Variants in GNAI2 observed in about 807,000 individuals in gnomAD.
The protein encoded by GNAI2 is G protein subunit alpha i2, also known as guanine nucleotide-binding protein G(i) subunit alpha-2.
A neutral mutation model predicts 36.8 loss-of-function variants in GNAI2; 4 were observed. That is an observed-to-expected ratio of 0.11 (90% CI 0.05 to 0.25). The LOEUF is 0.25. GNAI2 is among the 10% of genes least tolerant of loss of function. The pLI, the probability that GNAI2 is intolerant of heterozygous loss-of-function variation, is 1.00. For missense variants in GNAI2, 230 were observed against 481.3 expected (o/e 0.48, Z 4.89); for synonymous variants, 194 against 194.1 (o/e 1.00, Z 0.01).
Position 50,241,134 on chromosome 3 carries a change from G to A in GNAI2, c.118+4681G>A, listed in dbSNP as rs1383698889. Among the ~76,000 whole-genome samples, 1 of 152,080 alleles carries A rather than the reference G, an allele frequency of 6.6e-6. No homozygotes were observed. Among genetic ancestry groups the A allele is most frequent in the Non-Finnish European group, 1.5e-5 (1 of 68,004 alleles). ...AGCAGGAGTGACAGACTGCCCTGGG[G>A]ACCTTAGGCCCAACCTCTGGGGGTC... On this transcript the variant is annotated intron_variant, in intron 1 of 8. Coordinates refer to ENST00000313601, the MANE Select transcript of GNAI2 (RefSeq NM_002070.4). The surrounding 1 kb of genome is among the most constrained non-coding windows in gnomAD (Gnocchi z 5.0).
Position 50,247,081 on chromosome 3 carries a change from G to A in GNAI2, c.119-5019G>A, listed in dbSNP as rs587594380. Reference sequence around the variant, plus strand: ...CAGGTTGCAGGAAATGAGAGGTTTGGGGAAATCTGTACTCTTTCAAAGGGT... The same window carrying A: ...CAGGTTGCAGGAAATGAGAGGTTTGAGGAAATCTGTACTCTTTCAAAGGGT... On this transcript the variant is annotated intron_variant, in intron 1 of 8. Transcript: ENST00000313601. 4.0e-6 allele frequency: 3 copies of A among 758,662 alleles called. No individual in the cohort carries two copies. The African/African-American group carries it at 5.1e-5, about 13-fold the overall frequency. 47.0% of individuals were successfully genotyped at this position (758,662 alleles called of 1,614,324 possible). A position where few individuals can be genotyped will look rare whatever the true frequency, so the allele number is the denominator to read the frequency against.
At position 50,246,945 on chromosome 3, in the gene GNAI2, C is replaced by CA. The variant is rs34181412; in HGVS notation, c.119-5154dup. Reference sequence around the variant, plus strand: ...ATGCTGAGTCCCAGCAGGGAACCACCACAGCTCTGAATCAGCCTGTTAGCC... The same window carrying CA: ...ATGCTGAGTCCCAGCAGGGAACCACCAACAGCTCTGAATCAGCCTGTTAGCC... On this transcript the variant is annotated intron_variant, in intron 1 of 8. Coordinates refer to ENST00000313601, the MANE Select transcript of GNAI2 (RefSeq NM_002070.4). 42,988 of 1,490,434 alleles carry CA rather than the reference C, an allele frequency of 0.029. 8,874 individuals carry two copies. In the East Asian group the frequency reaches 0.54, roughly 19 times the overall value. The allele number at this position is 1,490,434 out of a possible 1,614,324, so 92.3% of individuals were successfully genotyped here.
chr3:50,231,835 A>G (rs1029617003), upstream of GNAI2, among the ~76,000 whole-genome samples: 2 of 152,154 alleles, frequency 1.3e-5, no homozygotes, highest in African/African-American at 4.8e-5. Flanking sequence ...TTGGAGTGCC[A>G]GTGTGTTGCA....
At position 50,252,044 on chromosome 3, in the gene GNAI2, G is replaced by A. The variant is rs1575451657; in HGVS notation, c.119-56G>A. On this transcript the variant is annotated intron_variant, in intron 1 of 8. Transcript: ENST00000313601. This position sits in a 1 kb window ranked among gnomAD's most constrained non-coding sequence, Gnocchi z 4.1. Reference sequence around the variant, plus strand: ...CTACAGGTGTCTGGGCATTTGTTCTGTGCCTGTGGAGCCCCTCTGGGCCTG... The same window carrying A: ...CTACAGGTGTCTGGGCATTTGTTCTATGCCTGTGGAGCCCCTCTGGGCCTG... 47 of 1,547,530 alleles carry A rather than the reference G, an allele frequency of 3.0e-5. No individual in the cohort carries two copies. The East Asian group carries it at 9.7e-4, about 32-fold the overall frequency.
rs1313240077 is a variant in GNAI2, at chr3:50,241,129, C to G, written c.118+4676C>G. Among the ~76,000 whole-genome samples, 3 of 152,202 alleles carry G rather than the reference C, an allele frequency of 2.0e-5. No homozygotes were observed. Among genetic ancestry groups the G allele is most frequent in the East Asian group, 3.9e-4 (2 of 5,166 alleles). On this transcript the variant is annotated intron_variant, in intron 1 of 8. Transcript: ENST00000313601. This position sits in a 1 kb window ranked among gnomAD's most constrained non-coding sequence, Gnocchi z 5.0. ...GTGCCAGCAGGAGTGACAGACTGCC[C>G]TGGGGACCTTAGGCCCAACCTCTGG...
chr3:50,235,932 G>A (rs1326529915), upstream of GNAI2: 1 of 153,630 alleles, frequency 6.5e-6, no homozygotes, highest in African/African-American at 2.4e-5. Context: ...TCACAGCCCG[G>A]TCCCGCCTGC....
intron 8 of GNAI2, 160 bp downstream of exon 8, chr3:50,257,874 A>C: frequency 1.8e-6 from 1 of 546,334 alleles, no homozygotes; most frequent in Non-Finnish European, 3.2e-6. Context: ...GTGAATCAGG[A>C]GGTCAAGTGA....
chr3:50,258,927 C>T lies in GNAI2; in HGVS notation c.*584C>T, dbSNP rs1700781203. 2.3e-6 allele frequency: 1 copy of T among 443,638 alleles called. No individual in the cohort carries two copies. The highest frequency in any genetic ancestry group is 4.5e-6 in the Non-Finnish European group (1 of 223,614). 27.5% of individuals were successfully genotyped at this position (443,638 alleles called of 1,614,324 possible). ...AAAAAAAAACTGCAAATCTAGAAAA[C>T]TTTTTAGAGAAAAACTATTTAAAAC... On this transcript the variant is annotated 3_prime_UTR_variant, in exon 9 of 9. Transcript: ENST00000313601.
At chr3:50,233,643 G>C (rs587731680), upstream of GNAI2, among the ~76,000 whole-genome samples, 3 of 152,336 alleles carry the variant, frequency 2.0e-5, no homozygotes, top group African/African-American at 4.8e-5. Context: ...CTGTGGCCCT[G>C]GTGGACATTA....
chr3:50,227,295 C>A, upstream of GNAI2: 2 of 562,088 alleles, frequency 3.6e-6, no homozygotes, highest in Non-Finnish European at 5.6e-6. This position sits in a 1 kb window ranked among gnomAD's most constrained non-coding sequence, Gnocchi z 5.9. Context: ...CAAGAGGACG[C>A]GTGACGGCTG....
rs587719196 is a variant in GNAI2, at chr3:50,250,182, G to A, written c.119-1918G>A. Among the ~76,000 whole-genome samples the A allele has an allele frequency of 1.7e-4, 26 of 152,304 alleles. No homozygotes were observed. In the South Asian group the frequency reaches 5.4e-3, roughly 32 times the overall value. ...GATTGCTGTGGAGATGGCAGTTGGT[G>A]GGTGTCATTGATGTAGAGCAGCATC... On this transcript the variant is annotated intron_variant, in intron 1 of 8. Transcript: ENST00000313601.
chr3:50,241,794 G>A lies in GNAI2; in HGVS notation c.118+5341G>A, dbSNP rs1250123687. Among the ~76,000 whole-genome samples, 3 of 152,164 alleles carry A rather than the reference G, an allele frequency of 2.0e-5. No individual in the cohort carries two copies. Among genetic ancestry groups the A allele is most frequent in the African/African-American group, 7.2e-5 (3 of 41,432 alleles). ...GCCTAGGCTGCTGGATGGGGCCTGG[G>A]GATGGTCCGGGACCCCTTTGGCCCT... is the stretch of plus-strand genomic sequence containing the variant. On this transcript the variant is annotated intron_variant, in intron 1 of 8. Transcript: ENST00000313601. This position sits in a 1 kb window ranked among gnomAD's most constrained non-coding sequence, Gnocchi z 5.0.
rs1553700685 is a variant in GNAI2 at position 50,238,826 on chromosome 3, C to T, written c.118+2373C>T. On this transcript the variant is annotated intron_variant, in intron 1 of 8. Transcript: ENST00000313601. This position sits in a 1 kb window ranked among gnomAD's most constrained non-coding sequence, Gnocchi z 5.0. The stretch of plus-strand genomic sequence containing the variant: ...AGTTCAGAGTTCTGGGCGCCTGTCC[C>T]ATGTAGCGGGAGACTTTGTCCAGGC... Among the ~76,000 whole-genome samples, 1 of 152,198 alleles carries T rather than the reference C, an allele frequency of 6.6e-6. No homozygotes were observed. Among genetic ancestry groups the T allele is most frequent in the Non-Finnish European group, 1.5e-5 (1 of 68,040 alleles).
At chr3:50,256,071 AAAG>A in intron 4 of GNAI2, 118 bp from the exon 5 acceptor site, 73 of 441,904 alleles carry the variant, frequency 1.7e-4, no homozygotes, top group South Asian at 4.2e-4. Flanking sequence ...AAAAAAAAAA[AAAG>A]CAAGGGCTGT....
At chr3:50,236,117 C>T (rs147324172), upstream of GNAI2, 13 of 1,031,698 alleles carry the variant, frequency 1.3e-5, no homozygotes, top group Admixed American at 4.9e-5. The surrounding 1 kb of genome is among the most constrained non-coding windows in gnomAD (Gnocchi z 4.0). Flanking sequence ...AAGCCCGCCC[C>T]GGCCCAGTCA....
intron 1 of GNAI2, among the ~76,000 whole-genome samples, chr3:50,240,941 A>G (rs1004116799): frequency 6.8e-6 from 1 of 146,442 alleles, no homozygotes; most frequent in Non-Finnish European, 1.5e-5. Flanking sequence ...AAAAAAGAAA[A>G]AAAAAGAAAA....
rs782017122 is a variant in GNAI2 at position 50,253,041 on chromosome 3, A to G, written c.321A>G (p.Leu107=). 7.8e-5 allele frequency: 124 copies of G among 1,593,192 alleles called. No homozygotes were observed. The highest frequency in any genetic ancestry group is 6.7e-5 in the Admixed American group (4 of 59,428). The change falls in exon 4 of 9, where the codon CTA becomes CTG. Residue 107 remains leucine (L), a synonymous_variant. Coordinates refer to ENST00000313601, the MANE Select transcript of GNAI2 (RefSeq NM_002070.4). The surrounding 1 kb of genome is among the most constrained non-coding windows in gnomAD (Gnocchi z 4.2). ...DPSRADDARQ[L]FALSCTAEEQ... is the part of the protein sequence containing the mutation. Reference sequence around the variant, plus strand: ...GTGCCCAGGACGACGCCAGGCAGCTATTTGCACTGTCCTGCACCGCCGAGG... The same window carrying G: ...GTGCCCAGGACGACGCCAGGCAGCTGTTTGCACTGTCCTGCACCGCCGAGG...
At chr3:50,251,227 A>C (rs1700550402) in intron 1 of GNAI2, 1 of 344,778 alleles carries the variant, frequency 2.9e-6, no homozygotes, top group Admixed American at 6.4e-5. Flanking sequence ...TGCCCTTCTG[A>C]GTCCTGGCTA....
chr3:50,227,336 A>C, upstream of GNAI2: 1 of 438,706 alleles, frequency 2.3e-6, no homozygotes, highest in Non-Finnish European at 3.9e-6. The surrounding 1 kb of genome is among the most constrained non-coding windows in gnomAD (Gnocchi z 5.9). Flanking sequence ...CTCGACGGCC[A>C]AGGAGTGGCA....
Sources: allele counts gnomAD v4.1 joint callset (sites outside exome capture counted in the v4.1 genomes callset), GRCh38; gene constraint gnomAD v4.1.1; non-coding constraint Gnocchi (gnomAD v3.1); transcripts MANE v1.5; gene names NCBI Gene and HGNC (gene_info 2026-07-23, HGNC 2026-07-21).